IGF1R: variants seen among roughly 807,000 people sequenced by gnomAD.
IGF1R encodes the protein insulin-like growth factor 1 receptor.
Under a neutral mutation model 144.6 loss-of-function variants are expected in IGF1R, and 44 were observed. The observed-to-expected ratio is 0.30, with a 90% CI of 0.24 to 0.39. IGF1R has a LOEUF of 0.39. IGF1R is among the 10% of genes least tolerant of loss of function. IGF1R has a pLI of 1.00. For synonymous variants in IGF1R, 795 were observed against 722.8 expected, an observed-to-expected ratio of 1.10 and a Z score of -1.60; for missense variants, 1,355 against 1,833.7, an observed-to-expected ratio of 0.74 and a Z score of 4.77.
intron 2 of IGF1R, among the ~76,000 whole-genome samples, chr15:98,828,561 A>G (rs763152155): frequency 3.3e-5 from 5 of 152,184 alleles, no homozygotes; most frequent in Non-Finnish European, 5.9e-5. Context: ...ATGTTTTCAG[A>G]GGAGCGCAGA....
At chr15:98,780,549 CAAAAAAAAAAAAAA>C (rs1192949160) in intron 2 of IGF1R, among the ~76,000 whole-genome samples, 1 of 23,968 alleles carries the variant, frequency 4.2e-5, no homozygotes, top group African/African-American at 6.9e-5. Context: ...AACTCTGTCT[CAAAAAAAAAAAAAA>C]AAAAAAAAAA....
intron 15 of IGF1R, among the ~76,000 whole-genome samples, chr15:98,930,664 A>G (rs1026045357): frequency 1.3e-5 from 2 of 152,236 alleles, no homozygotes; most frequent in Non-Finnish European, 2.9e-5. Context: ...GCAGCTGACA[A>G]AACAGTCCTT....
At chr15:98,914,455 T>G (rs2015154637) in intron 8 of IGF1R, among the ~76,000 whole-genome samples, 1 of 152,190 alleles carries the variant, frequency 6.6e-6, no homozygotes, top group African/African-American at 2.4e-5. Flanking sequence ...TGCTCCTTCC[T>G]CCACTCCTAC....
At chr15:98,902,797 T>C (rs774769306) in intron 5 of IGF1R, among the ~76,000 whole-genome samples, 68 of 152,228 alleles carry the variant, frequency 4.5e-4, no homozygotes, top group Admixed American at 3.6e-3. Context: ...TGTAGCCTTT[T>C]GTTTTTGATG....
At chr15:98,832,711 C>T (rs2057023918) in intron 2 of IGF1R, among the ~76,000 whole-genome samples, 1 of 152,132 alleles carries the variant, frequency 6.6e-6, no homozygotes, top group Non-Finnish European at 1.5e-5. Context: ...TTTTAAGACA[C>T]AGTTAATTAC....
intron 20 of IGF1R, among the ~76,000 whole-genome samples, chr15:98,949,741 T>TCTCTCTCA (rs2016700834): frequency 6.6e-6 from 1 of 152,254 alleles, no homozygotes; most frequent in Non-Finnish European, 1.5e-5. Flanking sequence ...AGAGAGAGTT[T>TCTCTCTCA]GTGATGCCTC....
intron 10 of IGF1R, 126 bp downstream of exon 10, chr15:98,917,002 G>A (rs561612166): frequency 1.4e-4 from 113 of 820,204 alleles, no homozygotes; most frequent in Admixed American, 7.1e-4. Context: ...CCACTGAGAC[G>A]GAGCCGAAAA....
chr15:98,960,583 C>T lies in IGF1R; in HGVS notation c.*3141C>T, dbSNP rs942655787. ...GTAAAGGCGTGGGGCATTGGGTTTG[C>T]TCCCCTTGCTGCTGCTCCATCCCTG... On this transcript the variant is annotated 3_prime_UTR_variant, in exon 21 of 21. Coordinates refer to ENST00000650285, the MANE Select transcript of IGF1R (RefSeq NM_000875.5). 8.6e-6 allele frequency: 2 copies of T among 233,490 alleles called. No homozygotes were observed. The highest frequency in any genetic ancestry group is 6.0e-5 in the East Asian group (1 of 16,610). The allele number at this position is 233,490 out of a possible 1,614,324, so 14.5% of individuals were successfully genotyped here.
At chr15:98,741,336 C>G (rs2054738906) in intron 2 of IGF1R, among the ~76,000 whole-genome samples, 1 of 143,638 alleles carries the variant, frequency 7.0e-6, no homozygotes, top group Admixed American at 7.4e-5. Flanking sequence ...CTTTTAGATG[C>G]TACGTATAGA....
rs871335 is a variant in IGF1R, at chr15:98,936,717, G to A, written c.3297+1291G>A. On this transcript the variant is annotated intron_variant, in intron 17 of 20. Coordinates refer to ENST00000650285, the MANE Select transcript of IGF1R (RefSeq NM_000875.5). ...AACACCTGTTCACATATGACTTCAT[G>A]TATTTGCAGCACATGGTGTTTGGGG... Among the ~76,000 whole-genome samples the A allele has an allele frequency of 3.6e-3, 551 of 151,600 alleles. 6 individuals are homozygous for A. The highest frequency in any genetic ancestry group is 0.013 in the African/African-American group (525 of 41,312).
chr15:98,751,078 A>G (rs1489506781), intron 2 of IGF1R, among the ~76,000 whole-genome samples: 1 of 152,212 alleles, frequency 6.6e-6, no homozygotes, highest in Admixed American at 6.5e-5. Context: ...GGCGTGAGCC[A>G]TCATGCCCGG....
intron 1 of IGF1R, among the ~76,000 whole-genome samples, chr15:98,655,285 A>G (rs2052458134): frequency 6.6e-6 from 1 of 152,336 alleles, no homozygotes; most frequent in East Asian, 1.9e-4. Context: ...ATTTGACTCA[A>G]AGTATTAACA....
intron 1 of IGF1R, among the ~76,000 whole-genome samples, chr15:98,694,096 G>T (rs1203745573): frequency 1.3e-5 from 2 of 152,292 alleles, no homozygotes; most frequent in African/African-American, 4.8e-5. Context: ...CATTTACATT[G>T]ATCCCTATGC....
intron 19 of IGF1R, 103 bp from the exon 20 acceptor site, chr15:98,948,471 G>C (rs571549976): frequency 1.7e-5 from 21 of 1,238,830 alleles, no homozygotes; most frequent in Non-Finnish European, 2.3e-5. Context: ...ACCATAGTAA[G>C]GACAGTTTAT....
At chr15:98,703,696 C>T (rs1048551640) in intron 1 of IGF1R, among the ~76,000 whole-genome samples, 2 of 152,220 alleles carry the variant, frequency 1.3e-5, no homozygotes, top group African/African-American at 2.4e-5. Flanking sequence ...AGTGTGGCCT[C>T]TGTTAACTAG....
At chr15:98,776,846 T>A (rs2055730122) in intron 2 of IGF1R, among the ~76,000 whole-genome samples, 1 of 152,210 alleles carries the variant, frequency 6.6e-6, no homozygotes, top group Non-Finnish European at 1.5e-5. Flanking sequence ...TTGAATGGTC[T>A]TTCCGGAGGG....
At chr15:98,926,886 C>G (rs2151698048) in intron 13 of IGF1R, among the ~76,000 whole-genome samples, 1 of 152,326 alleles carries the variant, frequency 6.6e-6, no homozygotes, top group Middle Eastern at 3.4e-3. Context: ...CACCCAGAAG[C>G]TTCATAATAT....
chr15:98,947,098 C>T (rs1216559648), intron 19 of IGF1R, among the ~76,000 whole-genome samples: 1 of 152,196 alleles, frequency 6.6e-6, no homozygotes, highest in African/African-American at 2.4e-5. Flanking sequence ...GATGGAGAGC[C>T]CCTTCTCCCC....
chr15:98,811,026 C>T (rs886160813), intron 2 of IGF1R, among the ~76,000 whole-genome samples: 4 of 151,804 alleles, frequency 2.6e-5, no homozygotes, highest in Admixed American at 2.0e-4. Context: ...TCTGGCTGGA[C>T]GCGGTGGCTC....
Sources: gnomAD v4.1 joint callset for allele counts (sites outside exome capture counted in the v4.1 genomes callset) on GRCh38, gnomAD v4.1.1 for gene constraint, MANE v1.5 for transcripts, NCBI Gene and HGNC (gene_info 2026-07-23, HGNC 2026-07-21) for gene names.